Variants in TLN2 observed in about 807,000 individuals in gnomAD.
TLN2 encodes talin-2.
TLN2 carries 118 observed loss-of-function variants against 294.7 expected under a neutral mutation model. The observed-to-expected ratio is 0.40, with a 90% CI of 0.34 to 0.47. The LOEUF (loss-of-function observed/expected upper bound fraction) is 0.47. TLN2 is among the 20% of genes least tolerant of loss of function. The probability of loss-of-function intolerance (pLI) is 0.84; values close to 1 mark genes in which losing one functional copy is unlikely to be tolerated. For missense variants in TLN2, 3,083 were observed against 3,282.2 expected (o/e 0.94, Z 1.48); for synonymous variants, 1,431 against 1,304.5 (o/e 1.10, Z -2.09).
chr15:62,593,022 T>C (rs1432658219), intron 2 of TLN2, among the ~76,000 whole-genome samples: 3 of 152,174 alleles, frequency 2.0e-5, no homozygotes, highest in African/African-American at 7.2e-5. Context: ...AAAAATATTG[T>C]TTTTGGCTCT....
chr15:62,559,141 G>C (rs2042771988), intron 1 of TLN2, among the ~76,000 whole-genome samples: 1 of 152,156 alleles, frequency 6.6e-6, no homozygotes, highest in Non-Finnish European at 1.5e-5. Context: ...TCAGAGGGAG[G>C]AGTCCTCCAG....
chr15:62,489,770 C>T (rs1410743527), intron 1 of TLN2, among the ~76,000 whole-genome samples: 1 of 152,202 alleles, frequency 6.6e-6, no homozygotes, highest in Non-Finnish European at 1.5e-5. Flanking sequence ...ATTGCTTCCT[C>T]TGAAAGAAGT....
intron 2 of TLN2, among the ~76,000 whole-genome samples, chr15:62,592,660 TAA>T (rs2046174492): frequency 6.6e-6 from 1 of 152,172 alleles, no homozygotes; most frequent in African/African-American, 2.4e-5. Context: ...AAAGTCTGAA[TAA>T]AAGTTAATGA....
At chr15:62,428,847 TTATTAA>T (rs1379493993) in intron 1 of TLN2, among the ~76,000 whole-genome samples, 1 of 152,210 alleles carries the variant, frequency 6.6e-6, no homozygotes, top group Non-Finnish European at 1.5e-5. Flanking sequence ...TAATGTGTGC[TTATTAA>T]TAATATGAAT....
chr15:62,770,267 G>C (rs768139573), intron 41 of TLN2, among the ~76,000 whole-genome samples: 1 of 152,216 alleles, frequency 6.6e-6, no homozygotes, highest in Non-Finnish European at 1.5e-5. Context: ...TGGCATAGGG[G>C]GTGCGCCCGC....
Position 62,532,046 on chromosome 15 carries a change from CTCTTT to C in TLN2, c.-237-57634_-237-57630del, listed in dbSNP as rs1380835697. 3.0e-4 allele frequency among the ~76,000 whole-genome samples: 40 copies of C among 131,702 alleles called. 1 individual carries two copies. Among genetic ancestry groups the C allele is most frequent in the Middle Eastern group, 3.5e-3 (1 of 282 alleles). The allele number at this position is 131,702 out of a possible 152,430, so 86.4% of individuals were successfully genotyped here. On this transcript the variant is annotated intron_variant, in intron 1 of 58. Coordinates refer to ENST00000636159, the MANE Select transcript of TLN2 (RefSeq NM_015059.3). ...TTATTTTTTTTACTTTTTTCTTTTT[CTCTTT>C]TCTTTTTTTTTTTTGTGAGACAGGT...
At chr15:62,505,259 A>G (rs1290934467) in intron 1 of TLN2, among the ~76,000 whole-genome samples, 1 of 152,058 alleles carries the variant, frequency 6.6e-6, no homozygotes, top group Admixed American at 6.6e-5. Flanking sequence ...GCTCGGCCAA[A>G]AACATGTTTC....
At chr15:62,511,236 C>T (rs146812403) in intron 1 of TLN2, among the ~76,000 whole-genome samples, 45 of 152,208 alleles carry the variant, frequency 3.0e-4, no homozygotes, top group Middle Eastern at 3.4e-3. Flanking sequence ...TACGGGCTTC[C>T]GATGAGTCTA....
intron 1 of TLN2, among the ~76,000 whole-genome samples, chr15:62,498,511 G>A (rs891584357): frequency 6.6e-6 from 1 of 152,128 alleles, no homozygotes; most frequent in Non-Finnish European, 1.5e-5. Context: ...AAAGTATCTG[G>A]ATTTCCTAGA....
rs750737753 is a variant in TLN2, at chr15:62,748,447, A to G, written c.4119+3A>G. 1 of 1,612,488 alleles carries G rather than the reference A, an allele frequency of 6.2e-7. No individual in the cohort carries two copies. Among genetic ancestry groups the G allele is most frequent in the Non-Finnish European group, 8.5e-7 (1 of 1,179,132 alleles). Reference sequence around the variant, plus strand: ...ATAATGCCCTGCGGGAGCTCGAGGTAGGTCCCTGGGAAGGCTGCTGAGGAC... The same window carrying G: ...ATAATGCCCTGCGGGAGCTCGAGGTGGGTCCCTGGGAAGGCTGCTGAGGAC... On this transcript the variant is annotated splice_donor_region_variant and intron_variant, in intron 33 of 58. Transcript: ENST00000636159.
At chr15:62,638,328 C>A in intron 3 of TLN2, 2 of 351,638 alleles carry the variant, frequency 5.7e-6, no homozygotes. Context: ...TGAAACTTAC[C>A]ATTTCTATGA....
At chr15:62,460,097 A>G (rs1026878372) in intron 1 of TLN2, among the ~76,000 whole-genome samples, 7 of 152,048 alleles carry the variant, frequency 4.6e-5, no homozygotes, top group Admixed American at 3.3e-4. Context: ...TGACAGTCCT[A>G]CCACCTGTTT....
chr15:62,675,992 T>G (rs2056138868), intron 11 of TLN2, among the ~76,000 whole-genome samples: 1 of 152,212 alleles, frequency 6.6e-6, no homozygotes, highest in African/African-American at 2.4e-5. Context: ...CTTGTTTTGC[T>G]TTGACCCCTT....
chr15:62,785,012 A>C (rs1361266840), intron 45 of TLN2, among the ~76,000 whole-genome samples: 2 of 152,212 alleles, frequency 1.3e-5, no homozygotes, highest in Non-Finnish European at 2.9e-5. Flanking sequence ...TGTGGTAACA[A>C]TGCATGTAAA....
chr15:62,745,983 C>G (rs772629560), intron 32 of TLN2, among the ~76,000 whole-genome samples: 2 of 152,074 alleles, frequency 1.3e-5, no homozygotes, highest in Admixed American at 6.5e-5. Context: ...AACCACAAAC[C>G]CTTAGTCTGT....
At chr15:62,558,524 T>C (rs558330803) in intron 1 of TLN2, among the ~76,000 whole-genome samples, 1 of 152,120 alleles carries the variant, frequency 6.6e-6, no homozygotes, top group South Asian at 2.1e-4. Flanking sequence ...CCGTTCTTAG[T>C]TGGAACAGAC....
intron 1 of TLN2, among the ~76,000 whole-genome samples, chr15:62,484,733 G>A (rs1272037886): frequency 6.6e-6 from 1 of 152,098 alleles, no homozygotes; most frequent in African/African-American, 2.4e-5. Context: ...CTGGACCGAG[G>A]TTTTTCTGCT....
chr15:62,658,861 CA>C (rs1369202592), intron 9 of TLN2, among the ~76,000 whole-genome samples: 3 of 152,176 alleles, frequency 2.0e-5, no homozygotes, highest in Non-Finnish European at 4.4e-5. Context: ...CTGATGTCAT[CA>C]GCCTGAGGAT....
At chr15:62,560,562 A>G (rs2140591042) in intron 1 of TLN2, among the ~76,000 whole-genome samples, 1 of 152,314 alleles carries the variant, frequency 6.6e-6, no homozygotes, top group East Asian at 1.9e-4. Context: ...CTTGACCTCA[A>G]GTGATCCGCG....
Sources: allele counts gnomAD v4.1 joint callset (sites outside exome capture counted in the v4.1 genomes callset), GRCh38; gene constraint gnomAD v4.1.1; transcripts MANE v1.5; gene names NCBI Gene and HGNC (gene_info 2026-07-23, HGNC 2026-07-21).